The following GLS variants were observed in gnomAD, a reference collection of about 807,000 sequenced individuals.
GLS encodes the protein glutaminase.
In GLS, 36 loss-of-function variants were observed where a neutral mutation model predicts 86.7. The observed-to-expected ratio is 0.42, with a 90% CI of 0.32 to 0.55. The LOEUF (loss-of-function observed/expected upper bound fraction) is 0.55, where lower values mean the gene tolerates loss of function less well. Among genes scored for constraint, GLS ranks in the 20% least tolerant of loss-of-function variants. The probability of loss-of-function intolerance (pLI) is 0.17; values close to 1 mark genes in which losing one functional copy is unlikely to be tolerated. For missense variants in GLS, 528 were observed against 833.4 expected (o/e 0.63, Z 4.51); for synonymous variants, 317 against 305.9 (o/e 1.04, Z -0.38).
chr2:190,941,001 AAATTTG>A (rs1265266263), intron 14 of GLS, among the ~76,000 whole-genome samples: 3 of 152,180 alleles, frequency 2.0e-5, no homozygotes, highest in Non-Finnish European at 4.4e-5. Context: ...TTAGCTAATT[AAATTTG>A]ATTGTGCAAT....
chr2:190,909,575 T>C (rs1689286468), intron 6 of GLS, among the ~76,000 whole-genome samples: 1 of 152,230 alleles, frequency 6.6e-6, no homozygotes, highest in Admixed American at 6.5e-5. Context: ...TTTTTGGTGC[T>C]TGTGTCATGC....
intron 14 of GLS, among the ~76,000 whole-genome samples, chr2:190,946,584 A>G (rs1690582159): frequency 6.6e-6 from 1 of 151,640 alleles, no homozygotes. Flanking sequence ...TGAAAAACAG[A>G]GGAAATTTTG....
chr2:190,888,941 C>G (rs1688478525), intron 1 of GLS, among the ~76,000 whole-genome samples: 1 of 152,136 alleles, frequency 6.6e-6, no homozygotes, highest in African/African-American at 2.4e-5. Context: ...TTTAAGTTCC[C>G]TAGTTCAGTG....
chr2:190,961,309 T>TGCCTCAGCCACCTGA (rs1396974037), intron 17 of GLS, among the ~76,000 whole-genome samples: 1 of 152,194 alleles, frequency 6.6e-6, no homozygotes, highest in East Asian at 1.9e-4. Flanking sequence ...GCAATTCTCC[T>TGCCTCAGCCACCTGA]GCCTCAGCCA....
chr2:190,903,777 A>G (rs940011550), intron 5 of GLS, among the ~76,000 whole-genome samples: 1 of 152,204 alleles, frequency 6.6e-6, no homozygotes. Flanking sequence ...TAACAATCTT[A>G]TATAGTATAA....
At chr2:190,929,766 G>A (rs1466480497) in intron 12 of GLS, among the ~76,000 whole-genome samples, 2 of 151,748 alleles carry the variant, frequency 1.3e-5, no homozygotes, top group East Asian at 1.9e-4. Flanking sequence ...CACCGCACCC[G>A]GCCTTATAAC....
intron 9 of GLS, among the ~76,000 whole-genome samples, chr2:190,922,382 C>G (rs1400157120): frequency 6.6e-6 from 1 of 152,106 alleles, no homozygotes; most frequent in Non-Finnish European, 1.5e-5. Flanking sequence ...TAAACATTTT[C>G]AGGTTGCATG....
At chr2:190,922,359 C>T (rs1014944964) in intron 9 of GLS, among the ~76,000 whole-genome samples, 1 of 152,096 alleles carries the variant, frequency 6.6e-6, no homozygotes, top group Non-Finnish European at 1.5e-5. Flanking sequence ...CTTCCTGCTT[C>T]GCATTTCAGG....
chr2:190,954,669 G>A lies in GLS; in HGVS notation c.1789+9G>A. On this transcript the variant is annotated intron_variant, in intron 16 of 17. Transcript: ENST00000320717. The surrounding 1 kb of genome is among the most constrained non-coding windows in gnomAD (Gnocchi z 4.0). ...TGTAGCTGCTGCAGAGGGTAATACA[G>A]GAACTACTCCTATCTATTTTCTTTC... 6.2e-7 allele frequency: 1 copy of A among 1,608,342 alleles called. No homozygotes were observed. The highest frequency in any genetic ancestry group is 8.5e-7 in the Non-Finnish European group (1 of 1,174,742).
intron 1 of GLS, among the ~76,000 whole-genome samples, chr2:190,893,466 G>A (rs2125981041): frequency 6.6e-6 from 1 of 152,310 alleles, no homozygotes; most frequent in South Asian, 2.1e-4. Context: ...TTGGATAACA[G>A]TAGTACCTCT....
At chr2:190,888,093 A>G (rs1298170224) in intron 1 of GLS, among the ~76,000 whole-genome samples, 3 of 152,196 alleles carry the variant, frequency 2.0e-5, no homozygotes, top group Non-Finnish European at 1.5e-5. Flanking sequence ...GGAAACGTCT[A>G]AAACAGTAAA....
intron 3 of GLS, among the ~76,000 whole-genome samples, chr2:190,898,794 G>C (rs2124834259): frequency 6.6e-6 from 1 of 152,242 alleles, no homozygotes; most frequent in East Asian, 1.9e-4. Context: ...ACCACGCCCG[G>C]CTAATTTTGT....
At chr2:190,894,755 T>A (rs995073115) in intron 1 of GLS, among the ~76,000 whole-genome samples, 8 of 152,180 alleles carry the variant, frequency 5.3e-5, no homozygotes, top group African/African-American at 1.7e-4. Flanking sequence ...AATATAGTCA[T>A]CATATTTAGA....
At chr2:190,925,088 A>G (rs1356198997) in intron 11 of GLS, among the ~76,000 whole-genome samples, 1 of 152,138 alleles carries the variant, frequency 6.6e-6, no homozygotes, top group Non-Finnish European at 1.5e-5. Flanking sequence ...AATGGGGACA[A>G]TTTTTTCTGT....
intron 3 of GLS, among the ~76,000 whole-genome samples, chr2:190,896,875 G>A (rs1284537477): frequency 6.6e-6 from 1 of 152,042 alleles, no homozygotes; most frequent in Non-Finnish European, 1.5e-5. Flanking sequence ...TATTTTTCGT[G>A]TTCATGAACT....
At position 190,881,489 on chromosome 2, in the gene GLS, C is replaced by T; in HGVS notation, c.386+19C>T. 1 of 1,534,834 alleles carries T rather than the reference C, an allele frequency of 6.5e-7. No individual in the cohort carries two copies. On this transcript the variant is annotated intron_variant, in intron 1 of 17. Transcript: ENST00000320717. ...GTGAAAAGTGAGTGTCTCCGCGAGG[C>T]GCAGGAGGCCTCGTTCCTTTCGGGG...
rs1690248881 is a variant in GLS at position 190,935,595 on chromosome 2, G to A, written c.1650+3958G>A. Among the ~76,000 whole-genome samples, 1 of 150,842 alleles carries A rather than the reference G, an allele frequency of 6.6e-6. No individual in the cohort carries two copies. The highest frequency in any genetic ancestry group is 1.5e-5 in the Non-Finnish European group (1 of 67,176). On this transcript the variant is annotated intron_variant, in intron 14 of 17. Transcript: ENST00000320717. The surrounding 1 kb of genome is among the most constrained non-coding windows in gnomAD (Gnocchi z 4.2). ...ATTTTTTTGGTGGTTTTTCCATTTG[G>A]TAACTTTAAAAAAAGTGCAACCCTA...
At chr2:190,884,770 A>G (rs567894644) in intron 1 of GLS, among the ~76,000 whole-genome samples, 2 of 152,378 alleles carry the variant, frequency 1.3e-5, no homozygotes, top group East Asian at 3.9e-4. Flanking sequence ...GATAATTCAT[A>G]CAGGATGCAA....
chr2:190,962,920 T>C lies in GLS; in HGVS notation c.1944T>C (p.Pro648=). 1 of 1,609,794 alleles carries C rather than the reference T, an allele frequency of 6.2e-7. No homozygotes were observed. Among genetic ancestry groups the C allele is most frequent in the Non-Finnish European group, 8.5e-7 (1 of 1,177,702 alleles). ...ILQEYQVQYT[P]QGDSDNGKEN... ...AAGAATACCAAGTCCAGTACACACCTCAAGGAGATTCTGACAACGGGAAGG... is the reference window on the plus strand; with the variant it reads ...AAGAATACCAAGTCCAGTACACACCCCAAGGAGATTCTGACAACGGGAAGG... Residue 648 remains proline (P), a synonymous_variant, in exon 18 of 18, where the codon CCT becomes CCC. Transcript: ENST00000320717. This position sits in a 1 kb window ranked among gnomAD's most constrained non-coding sequence, Gnocchi z 4.2.
Sources: allele counts gnomAD v4.1 joint callset (sites outside exome capture counted in the v4.1 genomes callset), GRCh38; gene constraint gnomAD v4.1.1; non-coding constraint Gnocchi (gnomAD v3.1); transcripts MANE v1.5; gene names NCBI Gene and HGNC (gene_info 2026-07-23, HGNC 2026-07-21).